The following ROR2 variants were observed in gnomAD, a reference collection of about 807,000 sequenced individuals.
ROR2 encodes the protein tyrosine-protein kinase transmembrane receptor ROR2.
In ROR2, 33 loss-of-function variants were observed where a neutral mutation model predicts 74.9. The observed-to-expected ratio is 0.44, with a 90% CI of 0.33 to 0.59. The LOEUF is 0.59. ROR2 is among the 20% of genes least tolerant of loss of function. The probability of loss-of-function intolerance (pLI) is 0.02; values close to 1 mark genes in which losing one functional copy is unlikely to be tolerated. For missense variants in ROR2, 1,216 were observed against 1,313.8 expected, an observed-to-expected ratio of 0.93 and a Z score of 1.15; for synonymous variants, 586 against 558.7, an observed-to-expected ratio of 1.05 and a Z score of -0.69.
At chr9:91,912,980 G>T (rs148291124) in intron 1 of ROR2, among the ~76,000 whole-genome samples, 10,777 of 152,084 alleles carry the variant, frequency 0.071, 573 homozygotes, top group African/African-American at 0.14. Flanking sequence ...AATACAAAAA[G>T]TAGCTGGGCG....
At chr9:91,879,546 C>T (rs1830048302) in intron 1 of ROR2, among the ~76,000 whole-genome samples, 1 of 151,840 alleles carries the variant, frequency 6.6e-6, no homozygotes, top group Admixed American at 6.6e-5. Context: ...ACTGCAGAGG[C>T]AATAACTTCA....
At chr9:91,814,236 A>G (rs1827849232) in intron 1 of ROR2, among the ~76,000 whole-genome samples, 1 of 152,214 alleles carries the variant, frequency 6.6e-6, no homozygotes, top group Admixed American at 6.5e-5. Context: ...GTTTGAGGAA[A>G]AAAATCAAAG....
At chr9:91,773,415 A>C (rs967800787) in intron 2 of ROR2, among the ~76,000 whole-genome samples, 1 of 151,890 alleles carries the variant, frequency 6.6e-6, no homozygotes, top group African/African-American at 2.4e-5. Flanking sequence ...CACCCCCGAC[A>C]CCAGACGCCC....
At chr9:91,728,759 T>A (rs574810383) in intron 7 of ROR2, among the ~76,000 whole-genome samples, 1 of 152,332 alleles carries the variant, frequency 6.6e-6, no homozygotes, top group South Asian at 2.1e-4. Context: ...AATAGAATCG[T>A]GTCATCCATA....
In ROR2 at chr9:91,757,393, T is replaced by C. The variant is rs1206679807; in HGVS notation, c.342A>G (p.Thr114=). ...QEPRRIIIRK[T]EYGSRLRIQD... ...GGATTCGCAGTCGTGAACCATATTC[T>C]GTCTTCCGGATGATGATCCGCCGCG... Residue 114 remains threonine, a synonymous_variant, in exon 3 of 9, where the codon ACA becomes ACG. Coordinates refer to ENST00000375708, the MANE Select transcript of ROR2 (RefSeq NM_004560.4). The C allele has an allele frequency of 1.2e-6, 2 of 1,613,996 alleles. No individual in the cohort carries two copies. Among genetic ancestry groups the C allele is most frequent in the Non-Finnish European group, 8.5e-7 (1 of 1,180,000 alleles).
intron 1 of ROR2, among the ~76,000 whole-genome samples, chr9:91,794,621 C>T (rs746455074): frequency 2.6e-5 from 4 of 152,072 alleles, no homozygotes; most frequent in Non-Finnish European, 5.9e-5. Flanking sequence ...GTCTCTGTCA[C>T]CCAGGCCCAG....
intron 1 of ROR2, among the ~76,000 whole-genome samples, chr9:91,934,672 G>A (rs7037255): frequency 0.52 from 79,297 of 151,976 alleles, 23,272 homozygotes; most frequent in African/African-American, 0.8. Flanking sequence ...GGTCAACTAT[G>A]AGAAACTTGA....
Position 91,723,666 on chromosome 9 carries a change from G to T in ROR2, c.2828C>A (p.Ala943Asp), listed in dbSNP as rs199840505. Residue 943 changes from alanine (A) to aspartate (D), a missense_variant, in exon 9 of 9, where the codon GCT becomes GAT. Transcript: ENST00000375708. ...QVDEAQVQLE[A>D] ...AACCCCGGGCCCTGGTGCCACTCAA[G>T]CTTCCAGCTGGACTTGGGCCTCGTC... 1.2e-6 allele frequency: 2 copies of T among 1,613,500 alleles called. No individual in the cohort carries two copies. The highest frequency in any genetic ancestry group is 1.7e-6 in the Non-Finnish European group (2 of 1,179,928).
intron 2 of ROR2, among the ~76,000 whole-genome samples, chr9:91,761,886 GT>G (rs1825925222): frequency 6.6e-6 from 1 of 152,096 alleles, no homozygotes; most frequent in African/African-American, 2.4e-5. Flanking sequence ...CCATGTTCCT[GT>G]TTTCCCACAC....
chr9:91,897,550 C>A (rs961870046), intron 1 of ROR2, among the ~76,000 whole-genome samples: 4 of 149,430 alleles, frequency 2.7e-5, no homozygotes, highest in African/African-American at 9.9e-5. Context: ...GACCAAAGAA[C>A]AGGATTTGGA....
chr9:91,887,884 C>T (rs1472859959), intron 1 of ROR2, among the ~76,000 whole-genome samples: 5 of 150,246 alleles, frequency 3.3e-5, no homozygotes, highest in East Asian at 3.9e-4. Context: ...CTCTGCCTCC[C>T]GGGTTGAAGC....
intron 1 of ROR2, among the ~76,000 whole-genome samples, chr9:91,823,093 T>C (rs571185042): frequency 6.6e-6 from 1 of 152,210 alleles, no homozygotes; most frequent in African/African-American, 2.4e-5. Context: ...TAAGCAGTTA[T>C]AACAAGCAGA....
chr9:91,928,789 G>A (rs1831474709), intron 1 of ROR2, among the ~76,000 whole-genome samples: 1 of 152,216 alleles, frequency 6.6e-6, no homozygotes, highest in Non-Finnish European at 1.5e-5. Flanking sequence ...CCCCATGATA[G>A]TAAGTGGAGG....
intron 2 of ROR2, among the ~76,000 whole-genome samples, chr9:91,760,214 A>G (rs1338914544): frequency 6.6e-6 from 1 of 152,204 alleles, no homozygotes; most frequent in Non-Finnish European, 1.5e-5. Flanking sequence ...CTGGCTGCCC[A>G]TCTAAAACAA....
At chr9:91,831,338 A>G (rs1033015242) in intron 1 of ROR2, among the ~76,000 whole-genome samples, 2 of 152,224 alleles carry the variant, frequency 1.3e-5, no homozygotes, top group African/African-American at 4.8e-5. Context: ...AAAAGAACAC[A>G]AGCATGAAGT....
At chr9:91,886,299 G>C (rs1372491594) in intron 1 of ROR2, among the ~76,000 whole-genome samples, 3 of 152,138 alleles carry the variant, frequency 2.0e-5, no homozygotes, top group Non-Finnish European at 4.4e-5. Context: ...TGGAGCCAGC[G>C]GGGACCCACC....
rs756061621 is a variant in ROR2, at chr9:91,949,999, T to C, written c.-36A>G. 3.0e-4 allele frequency: 362 copies of C among 1,196,696 alleles called. 1 individual carries two copies. In the East Asian group the frequency reaches 8.7e-3, roughly 29 times the overall value. The allele number at this position is 1,196,696 out of a possible 1,614,324, so 74.1% of individuals were successfully genotyped here. A position where few individuals can be genotyped will look rare whatever the true frequency, so the allele number is the denominator to read the frequency against. On this transcript the variant is annotated 5_prime_UTR_variant, in exon 1 of 9. Transcript: ENST00000375708. The stretch of plus-strand genomic sequence containing the variant: ...GTGGGGGCCGGGAAGCCCTCAGAGC[T>C]TCGGGCCGGGGCGCGGGGTCGGGCG...
chr9:91,754,694 A>G (rs1046137840), intron 4 of ROR2, among the ~76,000 whole-genome samples: 2 of 152,148 alleles, frequency 1.3e-5, no homozygotes, highest in Non-Finnish European at 2.9e-5. Flanking sequence ...TAAATATAAA[A>G]TAAGAGAGAA....
At chr9:91,729,089 T>TAAAAAAAAA in intron 7 of ROR2, among the ~76,000 whole-genome samples, 1 of 144,720 alleles carries the variant, frequency 6.9e-6, no homozygotes, top group Non-Finnish European at 1.5e-5. Context: ...CTACTCACTG[T>TAAAAAAAAA]AAAAAAAAAA....
Sources: allele counts gnomAD v4.1 joint callset (sites outside exome capture counted in the v4.1 genomes callset), GRCh38; gene constraint gnomAD v4.1.1; transcripts MANE v1.5; gene names NCBI Gene and HGNC (gene_info 2026-07-23, HGNC 2026-07-21).